GOLM1: variants seen among roughly 807,000 people sequenced by gnomAD.
GOLM1 encodes golgi membrane protein 1, also known as epididymis luminal protein 46.
A neutral mutation model predicts 50.5 loss-of-function variants in GOLM1; 31 were observed. The ratio of observed to expected loss-of-function variants is 0.61; its 90% CI spans 0.46 to 0.83. The LOEUF (loss-of-function observed/expected upper bound fraction) is 0.83. GOLM1 is among the 40% of genes least tolerant of loss of function. The pLI, the probability that GOLM1 is intolerant of heterozygous loss-of-function variation, is 0.00. For synonymous variants in GOLM1, 178 were observed against 192.8 expected (o/e 0.92, Z 0.64); for missense variants, 491 against 501.3 (o/e 0.98, Z 0.20).
intron 1 of GOLM1, among the ~76,000 whole-genome samples, chr9:86,082,313 ACCG>A (rs1834809701): frequency 3.3e-5 from 5 of 151,320 alleles, no homozygotes; most frequent in Non-Finnish European, 1.5e-5. Flanking sequence ...GGCATGAGCC[ACCG>A]TGCCCAGCCT....
rs527851780 is a variant in GOLM1 at position 86,083,140 on chromosome 9, G to T, written c.-21-3799C>A. ...TGTCCCTCAGTATTCACTGGGGATT[G>T]GTTCCAGGACCCCCTGAGGACACCA... On this transcript the variant is annotated intron_variant, in intron 1 of 9. Coordinates refer to ENST00000388712, the MANE Select transcript of GOLM1 (RefSeq NM_016548.4). Among the ~76,000 whole-genome samples, 4 of 152,272 alleles carry T rather than the reference G, an allele frequency of 2.6e-5. No individual in the cohort carries two copies. The South Asian group carries it at 8.3e-4, about 32-fold the overall frequency.
chr9:86,033,689 A>G (rs1237890819), intron 8 of GOLM1, among the ~76,000 whole-genome samples: 3 of 152,172 alleles, frequency 2.0e-5, no homozygotes, highest in African/African-American at 7.2e-5. Context: ...GAGATAATCA[A>G]CTCAAGATAA....
Position 86,036,060 on chromosome 9 carries a change from G to A in GOLM1, c.757+288C>T, listed in dbSNP as rs568868955. On this transcript the variant is annotated intron_variant, in intron 7 of 9. Coordinates refer to ENST00000388712, the MANE Select transcript of GOLM1 (RefSeq NM_016548.4). The stretch of plus-strand genomic sequence containing the variant: ...AGCCTCCTGGTTCCCAGTGTCTGGG[G>A]CTCAGCCGCCTCCCCCGAGTCCCAC... Among the ~76,000 whole-genome samples, 224 of 152,018 alleles carry A rather than the reference G, an allele frequency of 1.5e-3. 2 individuals carry two copies. Among genetic ancestry groups the A allele is most frequent in the Admixed American group, 5.8e-3 (89 of 15,274 alleles).
intron 1 of GOLM1, among the ~76,000 whole-genome samples, chr9:86,092,821 G>A (rs1221034205): frequency 6.6e-6 from 1 of 152,134 alleles, no homozygotes; most frequent in African/African-American, 2.4e-5. Context: ...AGTTTATGGT[G>A]GTCAAATACA....
In GOLM1 at chr9:86,026,457, C is replaced by G. The variant is rs1228196759; in HGVS notation, c.*1360G>C. The G allele has an allele frequency of 1.0e-6, 1 of 978,858 alleles. No homozygotes were observed. The highest frequency in any genetic ancestry group is 1.2e-6 in the Non-Finnish European group (1 of 823,972). 60.6% of individuals were successfully genotyped at this position (978,858 alleles called of 1,614,324 possible). On this transcript the variant is annotated 3_prime_UTR_variant, in exon 10 of 10. Transcript: ENST00000388712. ...GACTGTGTGCCTGTAGTCCCAGCTA[C>G]TCGGGAGTCTGTGTGAGGCCAGGGG...
rs35694231 is a variant in GOLM1, at chr9:86,094,164, G to GT, written c.-22+5246dup. Among the ~76,000 whole-genome samples, 711 of 149,748 alleles carry GT rather than the reference G, an allele frequency of 4.7e-3. 9 individuals are homozygous for GT. Among genetic ancestry groups the GT allele is most frequent in the African/African-American group, 0.016 (650 of 41,030 alleles). Reference sequence around the variant, plus strand: ...GGCCCACAGGCCATATCCGGGCCTGGTTTTTTTTTTTTTAAAGTTTTACTA... The same window carrying GT: ...GGCCCACAGGCCATATCCGGGCCTGGTTTTTTTTTTTTTTAAAGTTTTACTA... On this transcript the variant is annotated intron_variant, in intron 1 of 9. Transcript: ENST00000388712.
intron 8 of GOLM1, among the ~76,000 whole-genome samples, chr9:86,033,913 A>G (rs11141185): frequency 0.16 from 23,948 of 152,052 alleles, 1,951 homozygotes; most frequent in Middle Eastern, 0.18. Flanking sequence ...AGACCTACTC[A>G]AAGGGTTTAA....
intron 9 of GOLM1, among the ~76,000 whole-genome samples, chr9:86,029,702 A>G (rs1357272332): frequency 2.0e-5 from 3 of 152,194 alleles, no homozygotes; most frequent in South Asian, 2.1e-4. Flanking sequence ...CACTGTTTCA[A>G]TGACACAATC....
At chr9:86,061,174 G>A (rs1834151768) in intron 3 of GOLM1, among the ~76,000 whole-genome samples, 1 of 152,054 alleles carries the variant, frequency 6.6e-6, no homozygotes, top group African/African-American at 2.4e-5. Flanking sequence ...TCTACAATCA[G>A]CCAACACACA....
chr9:86,026,471 T>A lies in GOLM1; in HGVS notation c.*1346A>T, dbSNP rs1832787015. The A allele has an allele frequency of 1.0e-6, 1 of 960,964 alleles. No individual in the cohort carries two copies. Among genetic ancestry groups the A allele is most frequent in the African/African-American group, 1.8e-5 (1 of 56,756 alleles). The allele number at this position is 960,964 out of a possible 1,614,324, so 59.5% of individuals were successfully genotyped here. The stretch of plus-strand genomic sequence containing the variant: ...AGTCCCAGCTACTCGGGAGTCTGTG[T>A]GAGGCCAGGGGTGCCAGCGCACCAG... On this transcript the variant is annotated 3_prime_UTR_variant, in exon 10 of 10. Transcript: ENST00000388712.
At chr9:86,051,407 C>T (rs1255728546) in intron 4 of GOLM1, among the ~76,000 whole-genome samples, 2 of 152,184 alleles carry the variant, frequency 1.3e-5, no homozygotes, top group East Asian at 3.9e-4. Flanking sequence ...GAGTTCAAGT[C>T]CTGGATATCC....
rs2118642766 is a variant in GOLM1, at chr9:86,035,618, G to A, written c.765C>T (p.Thr255=). 1.3e-6 allele frequency: 2 copies of A among 1,594,004 alleles called. No homozygotes were observed. Among genetic ancestry groups the A allele is most frequent in the Non-Finnish European group, 1.7e-6 (2 of 1,175,926 alleles). Residue 255 remains threonine, a synonymous_variant, in exon 8 of 10, where the codon ACC becomes ACT. Transcript: ENST00000388712. ...CCTCATTCACCACCTGGATCTCATT[G>A]GTTTCCTCTGTGCACAGAACACAGT... is the stretch of plus-strand genomic sequence containing the variant. The part of the protein sequence containing the change: ...DSKRQVEKEE[T]NEIQVVNEEP...
chr9:86,051,222 T>C (rs1833739610), intron 4 of GOLM1, among the ~76,000 whole-genome samples: 1 of 152,232 alleles, frequency 6.6e-6, no homozygotes, highest in African/African-American at 2.4e-5. Flanking sequence ...CACTGTGGTC[T>C]GAGAGACAGT....
chr9:86,077,835 T>C, intron 2 of GOLM1: 1 of 479,838 alleles, frequency 2.1e-6, no homozygotes, highest in Admixed American at 3.5e-5. Context: ...TCCCACTGGG[T>C]TTTTGTGAGG....
rs1272172783 is a variant in GOLM1, at chr9:86,043,762, G to C, written c.467+2708C>G. Among the ~76,000 whole-genome samples, 8 of 152,276 alleles carry C rather than the reference G, an allele frequency of 5.3e-5. No individual in the cohort carries two copies. The East Asian group carries it at 1.5e-3, about 29-fold the overall frequency. ...GCATCCTACATGTGTCTCCAGCCCAGCTCAGAGGTGTCCACCCATCGCCTC... is the reference window on the plus strand; with the variant it reads ...GCATCCTACATGTGTCTCCAGCCCACCTCAGAGGTGTCCACCCATCGCCTC... On this transcript the variant is annotated intron_variant, in intron 5 of 9. Transcript: ENST00000388712.
Position 86,032,498 on chromosome 9 carries a change from G to A in GOLM1, c.1129+784C>T, listed in dbSNP as rs1238547006. Among the ~76,000 whole-genome samples the A allele has an allele frequency of 2.6e-5, 4 of 152,112 alleles. No homozygotes were observed. The East Asian group carries it at 7.7e-4, about 29-fold the overall frequency. The stretch of plus-strand genomic sequence containing the variant: ...AATGAATTTTAAGAAAGAATACTAT[G>A]AGTCCATAGTGATACCAAAACAAAC... On this transcript the variant is annotated intron_variant, in intron 9 of 9. Transcript: ENST00000388712.
intron 3 of GOLM1, among the ~76,000 whole-genome samples, chr9:86,071,616 T>C (rs2099755789): frequency 6.6e-6 from 1 of 151,260 alleles, no homozygotes; most frequent in African/African-American, 2.4e-5. Flanking sequence ...GAGGTTGCAG[T>C]GAGCCGAGAT....
intron 9 of GOLM1, among the ~76,000 whole-genome samples, chr9:86,029,240 CTTGT>C (rs1030010864): frequency 3.3e-5 from 5 of 152,298 alleles, no homozygotes; most frequent in Admixed American, 3.3e-4. Flanking sequence ...AGATTCCATA[CTTGT>C]TTGTAACAGT....
At chr9:86,033,965 C>CTT (rs36119587) in intron 8 of GOLM1, among the ~76,000 whole-genome samples, 36 of 138,534 alleles carry the variant, frequency 2.6e-4, no homozygotes, top group African/African-American at 5.8e-4. Context: ...TAAACAAAAT[C>CTT]TTTTTTTTTT....
Sources: allele counts gnomAD v4.1 joint callset (sites outside exome capture counted in the v4.1 genomes callset), GRCh38; gene constraint gnomAD v4.1.1; transcripts MANE v1.5; gene names NCBI Gene and HGNC (gene_info 2026-07-23, HGNC 2026-07-21).